Variants in PTPRK observed in about 807,000 individuals in gnomAD.
PTPRK encodes protein tyrosine phosphatase receptor type K.
In PTPRK, 75 loss-of-function variants were observed where a neutral mutation model predicts 178.0. The observed-to-expected ratio is 0.42, with a 90% CI of 0.35 to 0.51. PTPRK has a LOEUF of 0.51. PTPRK is among the 20% of genes least tolerant of loss of function. PTPRK has a pLI of 0.02. For synonymous variants in PTPRK, 637 were observed against 620.6 expected (o/e 1.03, Z -0.39); for missense variants, 1,441 against 1,797.8 (o/e 0.80, Z 3.59).
intron 4 of PTPRK, among the ~76,000 whole-genome samples, chr6:128,240,459 T>C (rs1050656792): frequency 1.3e-5 from 2 of 152,134 alleles, no homozygotes; most frequent in Non-Finnish European, 2.9e-5. Context: ...TGGATGATAA[T>C]AAAACAGTTA....
intron 10 of PTPRK, among the ~76,000 whole-genome samples, chr6:128,079,315 G>A (rs1349642852): frequency 6.6e-6 from 1 of 151,924 alleles, no homozygotes; most frequent in Non-Finnish European, 1.5e-5. Flanking sequence ...AGCAAGAGCT[G>A]AGGTCAAGGG....
intron 1 of PTPRK, among the ~76,000 whole-genome samples, chr6:128,424,485 T>C (rs1420000823): frequency 6.6e-6 from 1 of 152,196 alleles, no homozygotes; most frequent in Admixed American, 6.5e-5. Context: ...ATAAGTGCGA[T>C]GTGGAAGTTC....
chr6:128,177,918 T>A (rs1002616291), intron 7 of PTPRK, among the ~76,000 whole-genome samples: 1 of 151,842 alleles, frequency 6.6e-6, no homozygotes, highest in African/African-American at 2.4e-5. Flanking sequence ...ACTTTGATGA[T>A]ATATATTAGA....
chr6:128,200,030 C>T (rs1023010362), intron 6 of PTPRK, among the ~76,000 whole-genome samples: 2 of 152,154 alleles, frequency 1.3e-5, no homozygotes, highest in African/African-American at 4.8e-5. Flanking sequence ...CACATAAAGG[C>T]ATCAAGTAAA....
intron 2 of PTPRK, among the ~76,000 whole-genome samples, chr6:128,396,738 G>A (rs571886081): frequency 2.6e-5 from 4 of 152,254 alleles, no homozygotes; most frequent in South Asian, 2.1e-4. Flanking sequence ...GGTGGCTCAC[G>A]CTTGTAATCC....
intron 3 of PTPRK, among the ~76,000 whole-genome samples, chr6:128,248,994 C>T (rs572922025): frequency 6.6e-6 from 1 of 152,052 alleles, no homozygotes; most frequent in Non-Finnish European, 1.5e-5. Flanking sequence ...GTAAGACAGG[C>T]TCTCTCTGCC....
intron 7 of PTPRK, among the ~76,000 whole-genome samples, chr6:128,135,739 T>C (rs573004628): frequency 6.6e-6 from 1 of 152,184 alleles, no homozygotes; most frequent in Non-Finnish European, 1.5e-5. Context: ...ACAGTGAAGC[T>C]AAGTCTATGA....
At chr6:128,066,459 C>T (rs114196493) in intron 12 of PTPRK, among the ~76,000 whole-genome samples, 13 of 151,174 alleles carry the variant, frequency 8.6e-5, no homozygotes, top group African/African-American at 2.7e-4. Flanking sequence ...AAAGCTCTCA[C>T]GGCCCCTGCA....
rs141049463 is a variant in PTPRK, at chr6:128,072,222, C to T, written c.1884-4430G>A. Reference sequence around the variant, plus strand: ...TATTGGTATCATTAATCATTCAATACACAAAATGTGACTTCCTTATTTTTT... The same window carrying T: ...TATTGGTATCATTAATCATTCAATATACAAAATGTGACTTCCTTATTTTTT... On this transcript the variant is annotated intron_variant, in intron 11 of 29. Transcript: ENST00000368226. 2.4e-4 allele frequency among the ~76,000 whole-genome samples: 37 copies of T among 152,030 alleles called. No individual in the cohort carries two copies. The East Asian group carries it at 5.6e-3, about 23-fold the overall frequency.
intron 7 of PTPRK, among the ~76,000 whole-genome samples, chr6:128,154,819 T>A (rs774296043): frequency 5.3e-4 from 80 of 152,000 alleles, no homozygotes; most frequent in Non-Finnish European, 1.0e-3. Flanking sequence ...TATTCCATTT[T>A]TATGTTTACT....
intron 7 of PTPRK, among the ~76,000 whole-genome samples, chr6:128,167,135 GA>G (rs761796211): frequency 1.3e-5 from 2 of 151,094 alleles, no homozygotes; most frequent in African/African-American, 2.4e-5. Context: ...AAATATAAAT[GA>G]AAAACTCACA....
intron 2 of PTPRK, among the ~76,000 whole-genome samples, chr6:128,359,285 G>A (rs1354911512): frequency 6.9e-6 from 1 of 145,898 alleles, no homozygotes; most frequent in Non-Finnish European, 1.5e-5. Flanking sequence ...ACCCCATCTG[G>A]GATTACAGGC....
chr6:128,212,812 T>C (rs1381933002), intron 6 of PTPRK, among the ~76,000 whole-genome samples: 1 of 152,032 alleles, frequency 6.6e-6, no homozygotes, highest in African/African-American at 2.4e-5. Context: ...ATCGCATTTT[T>C]ATTTTAAAAA....
intron 3 of PTPRK, among the ~76,000 whole-genome samples, chr6:128,271,892 T>C (rs146487567): frequency 1.1e-4 from 16 of 152,064 alleles, no homozygotes; most frequent in African/African-American, 3.1e-4. Context: ...TATTGTGTAG[T>C]GTATCAAGAA....
intron 6 of PTPRK, among the ~76,000 whole-genome samples, chr6:128,193,050 C>T (rs896612643): frequency 8.6e-5 from 13 of 151,972 alleles, no homozygotes; most frequent in African/African-American, 1.2e-4. Context: ...AATACCCAAA[C>T]TTTATTTATT....
At chr6:128,454,546 C>T (rs149524405) in intron 1 of PTPRK, among the ~76,000 whole-genome samples, 62 of 152,242 alleles carry the variant, frequency 4.1e-4, no homozygotes, top group African/African-American at 1.1e-3. Context: ...AAGTGTACAA[C>T]GCAGTGGATT....
chr6:128,125,263 G>T (rs2114422967), intron 7 of PTPRK, among the ~76,000 whole-genome samples: 1 of 152,286 alleles, frequency 6.6e-6, no homozygotes, highest in South Asian at 2.1e-4. Flanking sequence ...GGAGGGGATT[G>T]GATCATGGTG....
chr6:128,199,825 C>T (rs1442653442), intron 6 of PTPRK, among the ~76,000 whole-genome samples: 1 of 152,182 alleles, frequency 6.6e-6, no homozygotes, highest in Non-Finnish European at 1.5e-5. Flanking sequence ...TCCTTAAATG[C>T]TTCAATGTAC....
rs1822915125 is a variant in PTPRK, at chr6:128,288,759, A to G, written c.495+33280T>C. On this transcript the variant is annotated intron_variant, in intron 3 of 29. Coordinates refer to ENST00000368226, the MANE Select transcript of PTPRK (RefSeq NM_002844.4). ...TATGCTTGAAATACTCTCCCCCTTC[A>G]CACTCTATAGTCAGTTAACATTAAG... is the stretch of plus-strand genomic sequence containing the variant. 2.0e-5 allele frequency among the ~76,000 whole-genome samples: 3 copies of G among 152,224 alleles called. No individual in the cohort carries two copies. The South Asian group carries it at 6.2e-4, about 32-fold the overall frequency.
Sources: allele counts gnomAD v4.1 joint callset (sites outside exome capture counted in the v4.1 genomes callset), GRCh38; gene constraint gnomAD v4.1.1; transcripts MANE v1.5; gene names NCBI Gene and HGNC (gene_info 2026-07-23, HGNC 2026-07-21).